ARMC8: variants seen among roughly 807,000 people sequenced by gnomAD.
ARMC8 encodes the protein armadillo repeat-containing protein 8.
In ARMC8, 20 loss-of-function variants were observed where a neutral mutation model predicts 99.3. The observed-to-expected ratio is 0.20, with a 90% CI of 0.14 to 0.29. The LOEUF (loss-of-function observed/expected upper bound fraction) is 0.29. Ranked by LOEUF, ARMC8 falls within the 10% of genes least tolerant of loss-of-function variation. The probability of loss-of-function intolerance (pLI) is 1.00; values close to 1 mark genes in which losing one functional copy is unlikely to be tolerated. For missense variants in ARMC8, 569 were observed against 809.5 expected (o/e 0.70, Z 3.60); for synonymous variants, 263 against 278.3 (o/e 0.95, Z 0.55).
chr3:138,213,311 GATTAAC>G (rs1280375224), intron 2 of ARMC8, among the ~76,000 whole-genome samples: 1 of 152,194 alleles, frequency 6.6e-6, no homozygotes, highest in Non-Finnish European at 1.5e-5. Context: ...CTTGTTGAAA[GATTAAC>G]ATTAAGCATC....
intron 18 of ARMC8, among the ~76,000 whole-genome samples, chr3:138,281,429 A>T (rs2049918064): frequency 6.6e-6 from 1 of 151,726 alleles, no homozygotes; most frequent in Admixed American, 6.6e-5. Context: ...AGTAGCTGGG[A>T]CTACAGGCAT....
rs928791664 is a variant in ARMC8, at chr3:138,229,076, C to G, written c.528+66C>G. ...ATTATGCCTTTAAGAGATGTACCTT[C>G]TTTGTGTACCCTCCCAGGGGTAGTC... On this transcript the variant is annotated intron_variant, in intron 6 of 21. Transcript: ENST00000469044. The G allele has an allele frequency of 4.6e-6, 5 of 1,079,454 alleles. No individual in the cohort carries two copies. The African/African-American group carries it at 5.0e-5, about 11-fold the overall frequency. 66.9% of individuals were successfully genotyped at this position (1,079,454 alleles called of 1,614,324 possible). A position where few individuals can be genotyped will look rare whatever the true frequency, so the allele number is the denominator to read the frequency against.
intron 1 of ARMC8, among the ~76,000 whole-genome samples, chr3:138,195,390 G>T (rs1024948296): frequency 6.6e-6 from 1 of 152,142 alleles, no homozygotes; most frequent in Non-Finnish European, 1.5e-5. Context: ...AAAATGAGAG[G>T]TGCTCATTGT....
At chr3:138,262,722 CA>C (rs2047877426) in intron 12 of ARMC8, 2 of 893,146 alleles carry the variant, frequency 2.2e-6, no homozygotes, top group Admixed American at 3.3e-5. Context: ...TCTGCAAGGA[CA>C]ACCAAGGTTA....
At chr3:138,273,234 C>G (rs1184314563) in intron 17 of ARMC8, 118 bp downstream of exon 17, 3 of 1,101,510 alleles carry the variant, frequency 2.7e-6, no homozygotes, top group Non-Finnish European at 3.8e-6. Context: ...AATGCTGCCC[C>G]CTTCCAAAGA....
chr3:138,207,565 G>A (rs2044442370), intron 1 of ARMC8, among the ~76,000 whole-genome samples: 1 of 152,168 alleles, frequency 6.6e-6, no homozygotes, highest in Admixed American at 6.5e-5. Context: ...GGATAGGAGG[G>A]TCTGAGGTAC....
At chr3:138,221,474 A>G (rs1313393754) in intron 2 of ARMC8, among the ~76,000 whole-genome samples, 1 of 152,160 alleles carries the variant, frequency 6.6e-6, no homozygotes, top group East Asian at 1.9e-4. Context: ...AGCAGATAAA[A>G]TGGAATTGTA....
At chr3:138,284,913 C>G (rs1425171133) in intron 19 of ARMC8, among the ~76,000 whole-genome samples, 3 of 152,218 alleles carry the variant, frequency 2.0e-5, no homozygotes, top group Admixed American at 2.0e-4. Flanking sequence ...CTGTTTGCTT[C>G]TAAACAATCT....
chr3:138,236,550 A>G (rs996609170), intron 7 of ARMC8, among the ~76,000 whole-genome samples: 2 of 152,194 alleles, frequency 1.3e-5, no homozygotes, highest in African/African-American at 2.4e-5. Flanking sequence ...CCATTAATGT[A>G]TTCTAGGTTC....
At chr3:138,196,026 A>G (rs893312203) in intron 1 of ARMC8, among the ~76,000 whole-genome samples, 2 of 152,204 alleles carry the variant, frequency 1.3e-5, no homozygotes, top group African/African-American at 2.4e-5. Context: ...GGAGTTTTCA[A>G]CCTATAAGAT....
At chr3:138,208,839 C>T (rs1000552618) in intron 1 of ARMC8, among the ~76,000 whole-genome samples, 1 of 152,012 alleles carries the variant, frequency 6.6e-6, no homozygotes, top group African/African-American at 2.4e-5. Flanking sequence ...CAAGAAATAA[C>T]ACAATAGAAA....
intron 12 of ARMC8, among the ~76,000 whole-genome samples, chr3:138,252,466 T>TG (rs1301226389): frequency 1.3e-5 from 2 of 151,062 alleles, no homozygotes; most frequent in Non-Finnish European, 3.0e-5. Context: ...TTTTTTTTTT[T>TG]TTTTTGAGAC....
At chr3:138,216,700 GT>G (rs1344272865) in intron 2 of ARMC8, among the ~76,000 whole-genome samples, 1 of 152,108 alleles carries the variant, frequency 6.6e-6, no homozygotes, top group South Asian at 2.1e-4. Context: ...ACAAATGAAT[GT>G]TTTATAAACA....
In ARMC8 at chr3:138,231,166, A is replaced by G. The variant is rs574895458; in HGVS notation, c.528+2156A>G. 6.8e-4 allele frequency among the ~76,000 whole-genome samples: 103 copies of G among 152,366 alleles called. 1 individual carries two copies. Among genetic ancestry groups the G allele is most frequent in the African/African-American group, 2.3e-3 (96 of 41,584 alleles). ...AATCCAGTGACGTTAGTAAAAGCCT[A>G]AAATACAATATTAACAACTTTACCG... On this transcript the variant is annotated intron_variant, in intron 6 of 21. Coordinates refer to ENST00000469044, the MANE Select transcript of ARMC8 (RefSeq NM_001363941.2).
chr3:138,237,096 AT>A (rs1357594731), intron 7 of ARMC8, among the ~76,000 whole-genome samples: 2 of 151,852 alleles, frequency 1.3e-5, no homozygotes, highest in Non-Finnish European at 2.9e-5. Context: ...CTACTTCCTG[AT>A]TTTTTTCCTA....
intron 12 of ARMC8, chr3:138,246,860 A>G (rs1341574303): frequency 5.4e-6 from 5 of 931,820 alleles, no homozygotes; most frequent in Non-Finnish European, 6.4e-6. Context: ...AAGATGACAA[A>G]TAAAGAAAAA....
chr3:138,221,505 TAAAA>T (rs993544128), intron 2 of ARMC8, among the ~76,000 whole-genome samples: 1 of 148,974 alleles, frequency 6.7e-6, no homozygotes, highest in Admixed American at 6.7e-5. Context: ...TATAAAGAAG[TAAAA>T]AAAAAAGTGA....
chr3:138,205,537 C>T (rs554754729), intron 1 of ARMC8, among the ~76,000 whole-genome samples: 7 of 152,280 alleles, frequency 4.6e-5, no homozygotes, highest in Admixed American at 6.5e-5. Context: ...ATAGCATTAC[C>T]GGTGATGGAA....
chr3:138,261,238 A>G (rs1214631203), intron 12 of ARMC8, among the ~76,000 whole-genome samples: 1 of 152,244 alleles, frequency 6.6e-6, no homozygotes, highest in Non-Finnish European at 1.5e-5. Context: ...AGGAATGAAT[A>G]TAAGGTATAG....
Sources: gnomAD v4.1 joint callset for allele counts (sites outside exome capture counted in the v4.1 genomes callset) on GRCh38, gnomAD v4.1.1 for gene constraint, MANE v1.5 for transcripts, NCBI Gene and HGNC (gene_info 2026-07-23, HGNC 2026-07-21) for gene names.